AK5: variants seen among roughly 807,000 people sequenced by gnomAD.
AK5 encodes adenylate kinase 5.
In AK5, 27 loss-of-function variants were observed where a neutral mutation model predicts 69.5. The ratio of observed to expected loss-of-function variants is 0.39; its 90% CI spans 0.29 to 0.54. AK5 has a LOEUF of 0.54. Ranked by LOEUF, AK5 falls within the 20% of genes least tolerant of loss-of-function variation. The pLI, the probability that AK5 is intolerant of heterozygous loss-of-function variation, is 0.71. For synonymous variants in AK5, 260 were observed against 244.4 expected (o/e 1.06, Z -0.60); for missense variants, 531 against 700.4 (o/e 0.76, Z 2.73).
At chr1:77,541,284 C>T (rs907394437) in intron 13 of AK5, among the ~76,000 whole-genome samples, 6 of 151,894 alleles carry the variant, frequency 4.0e-5, no homozygotes, top group East Asian at 2.0e-4. Context: ...GTTAGCCAGG[C>T]GTGGTGGAAC....
rs1318117108 is a variant in AK5 at position 77,430,089 on chromosome 1, C to T, written c.1059+12374C>T. Among the ~76,000 whole-genome samples the T allele has an allele frequency of 2.0e-5, 3 of 148,188 alleles. No individual in the cohort carries two copies. In the East Asian group the frequency reaches 6.0e-4, roughly 29 times the overall value. On this transcript the variant is annotated intron_variant, in intron 8 of 13. Coordinates refer to ENST00000354567, the MANE Select transcript of AK5 (RefSeq NM_174858.3). The stretch of plus-strand genomic sequence containing the variant: ...ATTTTTTAAAACATTTTTCTGGCTG[C>T]AATGTGGAAAACACATTGGAGAAAA...
chr1:77,552,913 G>T (rs533392015), intron 13 of AK5, among the ~76,000 whole-genome samples: 8 of 152,098 alleles, frequency 5.3e-5, no homozygotes, highest in African/African-American at 1.9e-4. Flanking sequence ...GGGGGCACAC[G>T]CCTGTAGTCT....
At chr1:77,541,454 G>A (rs527274654) in intron 13 of AK5, among the ~76,000 whole-genome samples, 3 of 152,286 alleles carry the variant, frequency 2.0e-5, no homozygotes, top group Admixed American at 2.0e-4. Context: ...AGAAAACTAG[G>A]TAGTCCCACC....
At chr1:77,390,477 G>A (rs1004218337) in intron 6 of AK5, among the ~76,000 whole-genome samples, 1 of 152,174 alleles carries the variant, frequency 6.6e-6, no homozygotes, top group African/African-American at 2.4e-5. Context: ...GGACACTCAG[G>A]TGAGAGGGGA....
chr1:77,507,493 G>A (rs562984652), intron 10 of AK5, among the ~76,000 whole-genome samples: 21 of 152,206 alleles, frequency 1.4e-4, no homozygotes, highest in Non-Finnish European at 2.5e-4. Flanking sequence ...TATCTGAGTA[G>A]TCTGCAATGA....
chr1:77,461,610 A>T (rs1014587379), intron 8 of AK5, among the ~76,000 whole-genome samples: 1 of 151,842 alleles, frequency 6.6e-6, no homozygotes, highest in South Asian at 2.1e-4. Flanking sequence ...TCTCTACTAA[A>T]ATTAGAAAAA....
intron 5 of AK5, among the ~76,000 whole-genome samples, chr1:77,336,320 T>A (rs1280260009): frequency 6.6e-6 from 1 of 152,066 alleles, no homozygotes; most frequent in Non-Finnish European, 1.5e-5. Flanking sequence ...AACCTCATGA[T>A]CTGCCCACCT....
chr1:77,441,980 G>A (rs1183048730), intron 8 of AK5, among the ~76,000 whole-genome samples: 1 of 152,162 alleles, frequency 6.6e-6, no homozygotes, highest in Non-Finnish European at 1.5e-5. Context: ...CTGTGATTCT[G>A]CCCTGGGAGG....
chr1:77,303,690 G>A (rs1379274474), intron 5 of AK5, among the ~76,000 whole-genome samples: 1 of 152,152 alleles, frequency 6.6e-6, no homozygotes, highest in Non-Finnish European at 1.5e-5. Flanking sequence ...CTTCTGGAAG[G>A]GGTCTTGACG....
intron 9 of AK5, among the ~76,000 whole-genome samples, chr1:77,483,600 G>C (rs912275453): frequency 6.6e-6 from 1 of 152,084 alleles, no homozygotes; most frequent in Non-Finnish European, 1.5e-5. Context: ...TTCCCGAGAG[G>C]CTCAGCGAAA....
intron 5 of AK5, among the ~76,000 whole-genome samples, chr1:77,316,131 A>G (rs958769347): frequency 6.6e-6 from 1 of 152,108 alleles, no homozygotes; most frequent in Non-Finnish European, 1.5e-5. Context: ...TAAAGCCCCC[A>G]TGACCTCCTA....
intron 5 of AK5, among the ~76,000 whole-genome samples, chr1:77,336,006 CT>C (rs1250333971): frequency 6.6e-6 from 1 of 151,170 alleles, no homozygotes; most frequent in Non-Finnish European, 1.5e-5. Flanking sequence ...CTCATTCATG[CT>C]TTTTATTTAT....
chr1:77,493,337 A>C (rs780287766), intron 10 of AK5, among the ~76,000 whole-genome samples: 4 of 146,912 alleles, frequency 2.7e-5, no homozygotes, highest in Non-Finnish European at 6.0e-5. Context: ...AGCCCCCCCC[A>C]GGTTCTCAGG....
intron 12 of AK5, 128 bp from the exon 13 acceptor site, chr1:77,535,719 A>C: frequency 2.6e-6 from 2 of 762,688 alleles, no homozygotes; most frequent in Non-Finnish European, 4.1e-6. Context: ...CAGCTGCACC[A>C]TAGTGTAATG....
Position 77,529,620 on chromosome 1 carries a change from T to C in AK5, c.1429-6227T>C, listed in dbSNP as rs537469262. Among the ~76,000 whole-genome samples the C allele has an allele frequency of 5.3e-5, 8 of 152,282 alleles. No homozygotes were observed. The East Asian group carries it at 9.7e-4, about 18-fold the overall frequency. On this transcript the variant is annotated intron_variant, in intron 12 of 13. Coordinates refer to ENST00000354567, the MANE Select transcript of AK5 (RefSeq NM_174858.3). ...CTATAGGCGTGAGCCATTTTATAGA[T>C]TCTTACCATCTTGAGAAGGGCTCTG...
chr1:77,545,941 A>T (rs1659523282), intron 13 of AK5, among the ~76,000 whole-genome samples: 1 of 152,190 alleles, frequency 6.6e-6, no homozygotes, highest in African/African-American at 2.4e-5. Context: ...AATGAAGCAT[A>T]AGTCTTCCAT....
chr1:77,556,610 C>T (rs1660115738), intron 13 of AK5, among the ~76,000 whole-genome samples: 1 of 152,188 alleles, frequency 6.6e-6, no homozygotes, highest in African/African-American at 2.4e-5. Flanking sequence ...TATCCATTTT[C>T]TCCACTATCT....
chr1:77,367,566 TATA>T (rs1222868040), intron 6 of AK5, among the ~76,000 whole-genome samples: 1 of 10,378 alleles, frequency 9.6e-5, no homozygotes, highest in African/African-American at 2.6e-4. Flanking sequence ...TTTATATATA[TATA>T]TATATATATA....
chr1:77,308,861 C>T (rs1158646616), intron 5 of AK5, among the ~76,000 whole-genome samples: 3 of 151,222 alleles, frequency 2.0e-5, no homozygotes, highest in Non-Finnish European at 4.4e-5. Context: ...CCCAGCTACT[C>T]GGAAGGCTGA....
Sources: allele counts gnomAD v4.1 joint callset (sites outside exome capture counted in the v4.1 genomes callset), GRCh38; gene constraint gnomAD v4.1.1; transcripts MANE v1.5; gene names NCBI Gene and HGNC (gene_info 2026-07-23, HGNC 2026-07-21).